Variants in SEMA6D observed in about 807,000 individuals in gnomAD.
The protein encoded by SEMA6D is semaphorin-6D.
A neutral mutation model predicts 106.6 loss-of-function variants in SEMA6D; 35 were observed. The ratio of observed to expected loss-of-function variants is 0.33; its 90% confidence interval spans 0.25 to 0.44. The LOEUF (loss-of-function observed/expected upper bound fraction) is 0.44, where lower values mean the gene tolerates loss of function less well. SEMA6D is among the 20% of genes least tolerant of loss of function. The probability of loss-of-function intolerance (pLI) is 1.00; values close to 1 mark genes in which losing one functional copy is unlikely to be tolerated. For missense variants in SEMA6D, 1,185 were observed against 1,345.9 expected, an observed-to-expected ratio of 0.88 and a Z score of 1.87; for synonymous variants, 499 against 487.7, an observed-to-expected ratio of 1.02 and a Z score of -0.31.
At chr15:47,737,989 C>T (rs868572817) in intron 1 of SEMA6D, among the ~76,000 whole-genome samples, 17 of 151,040 alleles carry the variant, frequency 1.1e-4, no homozygotes, top group Non-Finnish European at 2.4e-4. Context: ...GTGTCTCCTT[C>T]GTAACAATTT....
chr15:47,765,157 T>C (rs1009326645), intron 13 of SEMA6D, 101 bp downstream of exon 13: 7 of 1,510,748 alleles, frequency 4.6e-6, no homozygotes, highest in Admixed American at 2.2e-5. Flanking sequence ...TAGCAGTGGT[T>C]TGGCATAATA....
chr15:47,702,301 C>G (rs561577249), intron 4 of SEMA6D, among the ~76,000 whole-genome samples: 1 of 152,218 alleles, frequency 6.6e-6, no homozygotes, highest in East Asian at 1.9e-4. Flanking sequence ...CAAAGAAATG[C>G]AAATTAAGCA....
At chr15:47,612,279 C>T (rs2076922414) in intron 4 of SEMA6D, among the ~76,000 whole-genome samples, 1 of 152,126 alleles carries the variant, frequency 6.6e-6, no homozygotes, top group African/African-American at 2.4e-5. Context: ...AACCTAAGGG[C>T]TCATGGTGAC....
At chr15:47,576,940 A>G (rs1252282814) in intron 3 of SEMA6D, among the ~76,000 whole-genome samples, 1 of 152,136 alleles carries the variant, frequency 6.6e-6, no homozygotes, top group Admixed American at 6.5e-5. Context: ...TTGTGTACCT[A>G]CAGAAATACA....
chr15:47,575,695 G>A (rs1156378093), intron 3 of SEMA6D, among the ~76,000 whole-genome samples: 2 of 152,072 alleles, frequency 1.3e-5, no homozygotes, highest in Middle Eastern at 3.4e-3. Flanking sequence ...CTCCAGCCTG[G>A]GTAACAGAGC....
At chr15:47,602,968 CAAGAGGAT>C (rs1423868373) in intron 4 of SEMA6D, among the ~76,000 whole-genome samples, 1 of 151,952 alleles carries the variant, frequency 6.6e-6, no homozygotes, top group Non-Finnish European at 1.5e-5. Context: ...ATAGTCCAGG[CAAGAGGAT>C]AAGCTTTGGA....
At chr15:47,272,241 G>A (rs939347540) in intron 1 of SEMA6D, among the ~76,000 whole-genome samples, 8 of 152,182 alleles carry the variant, frequency 5.3e-5, no homozygotes, top group African/African-American at 1.9e-4. Context: ...ACAAGTAACA[G>A]AATCCAAGGC....
chr15:47,228,198 G>A (rs1347815689), intron 1 of SEMA6D, among the ~76,000 whole-genome samples: 1 of 146,836 alleles, frequency 6.8e-6, no homozygotes, highest in African/African-American at 2.5e-5. Flanking sequence ...TTAACTTATT[G>A]ATGGATATGT....
rs1437885886 is a variant in SEMA6D at position 47,297,228 on chromosome 15, T to C, written c.-239+112810T>C. Among the ~76,000 whole-genome samples the C allele has an allele frequency of 5.3e-5, 8 of 152,190 alleles. No homozygotes were observed. In the East Asian group the frequency reaches 1.5e-3, roughly 29 times the overall value. On this transcript the variant is annotated intron_variant, in intron 1 of 19. Transcript: ENST00000558014. The stretch of plus-strand genomic sequence containing the variant: ...TATTTGTCTTGGAATATTTAGGCCC[T>C]AAAGGCATAAAACATTTTTATGATT...
intron 1 of SEMA6D, among the ~76,000 whole-genome samples, chr15:47,732,878 C>T (rs1296715491): frequency 6.6e-6 from 1 of 152,132 alleles, no homozygotes; most frequent in African/African-American, 2.4e-5. Context: ...ACTATACTTC[C>T]ATATTTGTTT....
chr15:47,228,289 G>A (rs993977735), intron 1 of SEMA6D, among the ~76,000 whole-genome samples: 9 of 151,658 alleles, frequency 5.9e-5, no homozygotes, highest in African/African-American at 2.2e-4. Flanking sequence ...CATTGGTTTT[G>A]TATGAAGACA....
At chr15:47,741,844 C>A (rs1454389047) in intron 1 of SEMA6D, among the ~76,000 whole-genome samples, 1 of 152,190 alleles carries the variant, frequency 6.6e-6, no homozygotes, top group African/African-American at 2.4e-5. Flanking sequence ...GCCATAGATC[C>A]TGCCTTCGAG....
At chr15:47,208,696 G>T (rs1440198513) in intron 1 of SEMA6D, among the ~76,000 whole-genome samples, 2 of 152,094 alleles carry the variant, frequency 1.3e-5, no homozygotes, top group African/African-American at 4.8e-5. Flanking sequence ...AAGTAATAAT[G>T]TTCAATTATA....
At chr15:47,450,275 A>C (rs1004360605) in intron 2 of SEMA6D, among the ~76,000 whole-genome samples, 1 of 152,124 alleles carries the variant, frequency 6.6e-6, no homozygotes. Flanking sequence ...CTTTTCGTGC[A>C]TTCATTCCAG....
At chr15:47,467,907 C>T (rs981993140) in intron 2 of SEMA6D, among the ~76,000 whole-genome samples, 1 of 152,046 alleles carries the variant, frequency 6.6e-6, no homozygotes, top group East Asian at 1.9e-4. Context: ...TTTAATTTTA[C>T]GGCCTTAGTG....
chr15:47,212,512 T>G (rs918194050), intron 1 of SEMA6D, among the ~76,000 whole-genome samples: 6 of 152,314 alleles, frequency 3.9e-5, no homozygotes, highest in Admixed American at 3.9e-4. Context: ...ATTGCTATTG[T>G]TAGGATGATC....
At chr15:47,223,219 T>C (rs1007883453) in intron 1 of SEMA6D, among the ~76,000 whole-genome samples, 1 of 152,146 alleles carries the variant, frequency 6.6e-6, no homozygotes, top group African/African-American at 2.4e-5. Flanking sequence ...CTTTGATTTT[T>C]CTGGTCCCAT....
At chr15:47,593,661 T>A (rs1294979008) in intron 3 of SEMA6D, among the ~76,000 whole-genome samples, 1 of 152,094 alleles carries the variant, frequency 6.6e-6, no homozygotes, top group African/African-American at 2.4e-5. Context: ...TACCTGAGAC[T>A]AGGTAATTTA....
At chr15:47,546,098 G>A (rs2045513519) in intron 3 of SEMA6D, among the ~76,000 whole-genome samples, 1 of 152,088 alleles carries the variant, frequency 6.6e-6, no homozygotes, top group African/African-American at 2.4e-5. Flanking sequence ...TAGCCCTACT[G>A]GAAGGGGTAG....
Sources: gnomAD v4.1 joint callset for allele counts (sites outside exome capture counted in the v4.1 genomes callset) on GRCh38, gnomAD v4.1.1 for gene constraint, MANE v1.5 for transcripts, NCBI Gene and HGNC (gene_info 2026-07-23, HGNC 2026-07-21) for gene names.